SOX5: variants seen among roughly 807,000 people sequenced by gnomAD.
The protein encoded by SOX5 is SRY-box transcription factor 5, also known as transcription factor SOX-5.
A neutral mutation model predicts 92.0 loss-of-function variants in SOX5; 9 were observed. The ratio of observed to expected loss-of-function variants is 0.10; its 90% confidence interval spans 0.06 to 0.17. The LOEUF (loss-of-function observed/expected upper bound fraction) is 0.17. Among genes scored for constraint, SOX5 ranks in the 10% least tolerant of loss-of-function variants. The pLI, the probability that SOX5 is intolerant of heterozygous loss-of-function variation, is 1.00. For synonymous variants in SOX5, 344 were observed against 336.3 expected (o/e 1.02, Z -0.25); for missense variants, 642 against 944.5 (o/e 0.68, Z 4.20).
intron 9 of SOX5, among the ~76,000 whole-genome samples, chr12:23,578,146 A>AAAAAAAAAAAAAAAAAAAAAAAAAAAC (rs1565984217): frequency 7.3e-6 from 1 of 137,320 alleles, no homozygotes; most frequent in African/African-American, 2.6e-5. Flanking sequence ...AAAAAAAAAA[A>AAAAAAAAAAAAAAAAAAAAAAAAAAAC]AAAACTATAG....
At chr12:24,390,754 C>A (rs905698531) in intron 1 of SOX5, among the ~76,000 whole-genome samples, 2 of 152,068 alleles carry the variant, frequency 1.3e-5, no homozygotes, top group Admixed American at 1.3e-4. Flanking sequence ...GGATTTCATT[C>A]TTTTTGAGGG....
At chr12:23,838,853 G>GGGT (rs2096473464) in intron 3 of SOX5, among the ~76,000 whole-genome samples, 2 of 96,330 alleles carry the variant, frequency 2.1e-5, no homozygotes, top group Non-Finnish European at 4.2e-5. Context: ...TGGGGGGGGG[G>GGGT]GGCGGGGATG....
intron 1 of SOX5, among the ~76,000 whole-genome samples, chr12:24,435,596 A>C (rs1470713158): frequency 1.3e-5 from 2 of 152,268 alleles, no homozygotes; most frequent in Non-Finnish European, 2.9e-5. Context: ...ATAAATATTT[A>C]CAAAAGAAGC....
chr12:24,452,812 CTTTT>C (rs1167004995), intron 1 of SOX5, among the ~76,000 whole-genome samples: 5 of 152,100 alleles, frequency 3.3e-5, no homozygotes, highest in Non-Finnish European at 7.4e-5. Flanking sequence ...ACCTTTCTTT[CTTTT>C]GTTTTCAAAT....
At chr12:24,086,237 C>T (rs1315196245) in intron 4 of SOX5, among the ~76,000 whole-genome samples, 2 of 151,402 alleles carry the variant, frequency 1.3e-5, no homozygotes, top group African/African-American at 4.9e-5. Flanking sequence ...GTTAAGAAAC[C>T]CCTAGTTGGA....
intron 3 of SOX5, among the ~76,000 whole-genome samples, chr12:24,215,692 G>C (rs1959113554): frequency 6.6e-6 from 1 of 151,672 alleles, no homozygotes; most frequent in African/African-American, 2.4e-5. Context: ...TCTACAGATT[G>C]AACACAATTC....
chr12:24,417,388 T>C (rs759680755), intron 1 of SOX5, among the ~76,000 whole-genome samples: 11 of 152,232 alleles, frequency 7.2e-5, no homozygotes, highest in African/African-American at 2.7e-4. Context: ...ACTGGGCATA[T>C]AGCAAGTGCT....
At chr12:24,488,462 G>A (rs935402794) in intron 1 of SOX5, among the ~76,000 whole-genome samples, 2 of 152,098 alleles carry the variant, frequency 1.3e-5, no homozygotes, top group African/African-American at 4.8e-5. Flanking sequence ...GTGTGTGCCT[G>A]TAGTCCCAGC....
intron 4 of SOX5, among the ~76,000 whole-genome samples, chr12:24,063,022 T>C (rs1457216302): frequency 6.6e-6 from 1 of 152,258 alleles, no homozygotes; most frequent in African/African-American, 2.4e-5. Context: ...TATTGCATAA[T>C]GTGTTATAAT....
intron 1 of SOX5, among the ~76,000 whole-genome samples, chr12:24,440,605 TGTGTG>T (rs1422009086): frequency 1.5e-4 from 21 of 137,970 alleles, no homozygotes; most frequent in African/African-American, 5.3e-4. Context: ...TGTGTGTGTG[TGTGTG>T]TGTGTGTGTG....
chr12:23,693,867 T>C (rs2089340640), intron 6 of SOX5, among the ~76,000 whole-genome samples: 1 of 152,224 alleles, frequency 6.6e-6, no homozygotes, highest in African/African-American at 2.4e-5. Context: ...GTTTTTAATT[T>C]CTTTGCTTTC....
At chr12:24,210,655 T>C (rs935784069) in intron 4 of SOX5, among the ~76,000 whole-genome samples, 1 of 152,186 alleles carries the variant, frequency 6.6e-6, no homozygotes, top group Non-Finnish European at 1.5e-5. Flanking sequence ...TCATTATCAT[T>C]AAGGTCCCTA....
intron 1 of SOX5, among the ~76,000 whole-genome samples, chr12:24,514,265 C>A (rs1949577322): frequency 6.6e-6 from 1 of 152,182 alleles, no homozygotes. Context: ...TTTGTGAATG[C>A]AGAATCCTGA....
chr12:24,119,186 G>A (rs1233722860), intron 4 of SOX5, among the ~76,000 whole-genome samples: 1 of 152,110 alleles, frequency 6.6e-6, no homozygotes, highest in African/African-American at 2.4e-5. Flanking sequence ...TATTAGAACA[G>A]TGAGTACAGT....
At chr12:24,339,163 C>CTCCCA (rs1952273837) in intron 2 of SOX5, among the ~76,000 whole-genome samples, 1 of 140,382 alleles carries the variant, frequency 7.1e-6, no homozygotes, top group Non-Finnish European at 1.5e-5. Flanking sequence ...TCTCTCTCTG[C>CTCCCA]CACACACACA....
rs767468418 is a variant in SOX5 at position 23,797,925 on chromosome 12, G to T, written c.482-42201C>A. ...GTGCTTCAAAACTGTCAGGTCCTTT[G>T]TTTTTTTGTTTTGTTTGGTTTTGTT... On this transcript the variant is annotated intron_variant, in intron 3 of 14. Coordinates refer to ENST00000451604, the MANE Select transcript of SOX5 (RefSeq NM_006940.6). Among the ~76,000 whole-genome samples, 67 of 118,438 alleles carry T rather than the reference G, an allele frequency of 5.7e-4. 3 individuals are homozygous for T. The highest frequency in any genetic ancestry group is 1.1e-4 in the African/African-American group (4 of 36,274). 77.7% of individuals were successfully genotyped at this position (118,438 alleles called of 152,430 possible).
intron 5 of SOX5, 36 bp from the exon 6 acceptor site, chr12:23,734,788 T>A: frequency 6.5e-7 from 1 of 1,548,700 alleles, no homozygotes; most frequent in African/African-American, 1.4e-5. Flanking sequence ...TTTACAAGTA[T>A]ATTGTAGTCC....
At chr12:24,076,033 G>A (rs145697846) in intron 4 of SOX5, among the ~76,000 whole-genome samples, 33 of 152,264 alleles carry the variant, frequency 2.2e-4, no homozygotes, top group African/African-American at 6.5e-4. Context: ...GAAAATGGTT[G>A]TAACTTTCGC....
chr12:23,973,160 C>CTTTTTT (rs60609193), intron 4 of SOX5, among the ~76,000 whole-genome samples: 9 of 111,982 alleles, frequency 8.0e-5, no homozygotes, highest in African/African-American at 1.0e-4. Context: ...TAACTTTTTT[C>CTTTTTT]TTTTTTTTTT....
Sources: gnomAD v4.1 joint callset for allele counts (sites outside exome capture counted in the v4.1 genomes callset) on GRCh38, gnomAD v4.1.1 for gene constraint, MANE v1.5 for transcripts, NCBI Gene and HGNC (gene_info 2026-07-23, HGNC 2026-07-21) for gene names.